The following CHODL variants were observed in gnomAD, a reference collection of about 807,000 sequenced individuals.
The protein encoded by CHODL is chondrolectin.
Under a neutral mutation model 34.5 loss-of-function variants are expected in CHODL, and 29 were observed. The ratio of observed to expected loss-of-function variants is 0.84; its 90% CI spans 0.63 to 1.15. The LOEUF (loss-of-function observed/expected upper bound fraction) is 1.15, where lower values mean the gene tolerates loss of function less well. Among genes scored for constraint, CHODL ranks in the 50% most tolerant of loss-of-function variants. The pLI, the probability that CHODL is intolerant of heterozygous loss-of-function variation, is 0.00. For synonymous variants in CHODL, 125 were observed against 116.1 expected (o/e 1.08, Z -0.49); for missense variants, 332 against 332.5 (o/e 1.00, Z 0.01).
chr21:18,112,674 G>T (rs2065365685), intron 2 of CHODL, among the ~76,000 whole-genome samples: 1 of 152,106 alleles, frequency 6.6e-6, no homozygotes, highest in East Asian at 1.9e-4. Flanking sequence ...AAAAAACACT[G>T]TCTTTGATAA....
intron 1 of CHODL, among the ~76,000 whole-genome samples, chr21:18,000,759 G>C (rs916195556): frequency 3.9e-4 from 60 of 152,228 alleles, no homozygotes; most frequent in African/African-American, 1.3e-3. Context: ...AATTATTAAA[G>C]GGGTCTCATA....
At position 18,256,601 on chromosome 21, in the gene CHODL, C is replaced by T. The variant is rs147579421; in HGVS notation, c.172C>T (p.Arg58Cys). Residue 58 changes from arginine to cysteine, a missense_variant, in exon 2 of 6, where the codon CGC becomes TGC. Arg to Cys is a radical substitution (Grantham distance 180, BLOSUM62 -3). Transcript: ENST00000299295. ...LSSRVSFQEA[R>C]LACESEGGVL... ...CAGCCGAGTGAGCTTTCAGGAGGCA[C>T]GCCTGGCTTGTGAGAGTGAGGGAGG... 9.4e-5 allele frequency: 152 copies of T among 1,613,720 alleles called. 2 individuals are homozygous for T. In the East Asian group the frequency reaches 2.1e-3, roughly 22 times the overall value.
chr21:18,010,118 C>CAAAAA (rs547675850), intron 1 of CHODL, among the ~76,000 whole-genome samples: 17 of 61,232 alleles, frequency 2.8e-4, no homozygotes, highest in East Asian at 5.4e-4. Context: ...TACTAAAATA[C>CAAAAA]AAAAAAAAAA....
At chr21:18,054,614 G>A (rs2064556581) in intron 2 of CHODL, among the ~76,000 whole-genome samples, 1 of 151,836 alleles carries the variant, frequency 6.6e-6, no homozygotes, top group Admixed American at 6.6e-5. Context: ...GTGTAAGGAT[G>A]GATAAAAAGA....
At chr21:18,106,775 G>A (rs539670750) in intron 2 of CHODL, among the ~76,000 whole-genome samples, 6 of 152,268 alleles carry the variant, frequency 3.9e-5, no homozygotes, top group South Asian at 4.1e-4. Context: ...GATTACAGGC[G>A]TGAGCCACCA....
intron 1 of CHODL, among the ~76,000 whole-genome samples, chr21:17,999,336 AT>A (rs537248874): frequency 6.6e-6 from 1 of 151,906 alleles, no homozygotes; most frequent in Non-Finnish European, 1.5e-5. Flanking sequence ...ACTTTTCCAC[AT>A]TTTTCTGTCT....
At chr21:17,919,562 A>AT (rs1051776324) in intron 1 of CHODL, among the ~76,000 whole-genome samples, 1 of 151,814 alleles carries the variant, frequency 6.6e-6, no homozygotes, top group Non-Finnish European at 1.5e-5. Context: ...CCACGAAACC[A>AT]TTTTTTCCTC....
intron 2 of CHODL, among the ~76,000 whole-genome samples, chr21:18,150,598 G>A (rs891878598): frequency 6.6e-6 from 1 of 152,082 alleles, no homozygotes; most frequent in Admixed American, 6.6e-5. Context: ...GCTCTCTGAT[G>A]TCCCTTGTAT....
chr21:18,095,309 G>T (rs992145574), intron 2 of CHODL, among the ~76,000 whole-genome samples: 2 of 151,900 alleles, frequency 1.3e-5, no homozygotes, highest in Non-Finnish European at 2.9e-5. Flanking sequence ...TAAAATCAGA[G>T]ATGAGAAAGG....
At chr21:18,257,149 T>C (rs2074328045) in intron 3 of CHODL, 22 bp downstream of exon 3, 1 of 1,582,536 alleles carries the variant, frequency 6.3e-7, no homozygotes, top group Non-Finnish European at 8.6e-7. Flanking sequence ...CAAAAGAAGG[T>C]ATAGAAGATT....
chr21:18,103,419 A>G (rs1156363561), intron 2 of CHODL, among the ~76,000 whole-genome samples: 3 of 152,214 alleles, frequency 2.0e-5, no homozygotes, highest in African/African-American at 7.2e-5. Context: ...GAGCCAATCA[A>G]TGTATTTCAC....
At chr21:18,148,910 A>G (rs893935878) in intron 2 of CHODL, among the ~76,000 whole-genome samples, 3 of 148,494 alleles carry the variant, frequency 2.0e-5, no homozygotes, top group Non-Finnish European at 4.5e-5. Context: ...GGTCTGATGG[A>G]GCCCTTTTTT....
intron 2 of CHODL, among the ~76,000 whole-genome samples, chr21:18,181,466 G>A (rs888176296): frequency 6.6e-6 from 1 of 152,178 alleles, no homozygotes; most frequent in Non-Finnish European, 1.5e-5. Flanking sequence ...GCACTGGCGG[G>A]ATCTCGGCTC....
intron 2 of CHODL, among the ~76,000 whole-genome samples, chr21:18,182,082 C>T (rs1030515025): frequency 2.0e-5 from 3 of 151,834 alleles, no homozygotes; most frequent in Non-Finnish European, 4.4e-5. Flanking sequence ...GAGCCTATAC[C>T]CTAGGAACAG....
chr21:18,228,842 C>T (rs994197083), intron 2 of CHODL, among the ~76,000 whole-genome samples: 5 of 152,122 alleles, frequency 3.3e-5, no homozygotes, highest in East Asian at 1.9e-4. Flanking sequence ...AATTAAATAA[C>T]GAGAGCCCTA....
At chr21:18,084,252 T>A (rs1006479701) in intron 2 of CHODL, among the ~76,000 whole-genome samples, 1 of 152,178 alleles carries the variant, frequency 6.6e-6, no homozygotes, top group Non-Finnish European at 1.5e-5. Context: ...ACCTGAGGCT[T>A]CCCAGTCATG....
chr21:18,174,120 GGTGTATATATATATATATATAT>G, intron 2 of CHODL, among the ~76,000 whole-genome samples: 1 of 14,768 alleles, frequency 6.8e-5, no homozygotes, highest in East Asian at 2.0e-3. Context: ...TATATATCTT[GGTGTATATATATATATATATAT>G]ATATATATAT....
At chr21:18,012,168 GAGTGTTTGGGCATTC>G (rs2064025355) in intron 1 of CHODL, among the ~76,000 whole-genome samples, 1 of 152,206 alleles carries the variant, frequency 6.6e-6, no homozygotes, top group Non-Finnish European at 1.5e-5. Flanking sequence ...CTGATGGTGT[GAGTGTTTGGGCATTC>G]AGCCAGTGGC....
chr21:18,249,218 C>T (rs2074205763), intron 1 of CHODL, among the ~76,000 whole-genome samples: 1 of 147,608 alleles, frequency 6.8e-6, no homozygotes, highest in Non-Finnish European at 1.5e-5. Context: ...CAACAACTTT[C>T]TGTGTCAGGA....
Sources: allele counts gnomAD v4.1 joint callset (sites outside exome capture counted in the v4.1 genomes callset), GRCh38; gene constraint gnomAD v4.1.1; transcripts MANE v1.5; gene names NCBI Gene and HGNC (gene_info 2026-07-23, HGNC 2026-07-21).